FANCC: variants seen among roughly 807,000 people sequenced by gnomAD.
The protein encoded by FANCC is FA complementation group C.
In FANCC, 55 loss-of-function variants were observed where a neutral mutation model predicts 71.3. The observed-to-expected ratio is 0.77, with a 90% CI of 0.62 to 0.97. The LOEUF (loss-of-function observed/expected upper bound fraction) is 0.97. Among genes scored for constraint, FANCC ranks in the 50% least tolerant of loss-of-function variants. The pLI is 0.00. For synonymous variants in FANCC, 275 were observed against 244.9 expected, an observed-to-expected ratio of 1.12 and a Z score of -1.15; for missense variants, 678 against 670.9, an observed-to-expected ratio of 1.01 and a Z score of -0.12.
At chr9:95,272,241 C>G (rs549635850) in intron 1 of FANCC, among the ~76,000 whole-genome samples, 1 of 151,922 alleles carries the variant, frequency 6.6e-6, no homozygotes, top group African/African-American at 2.4e-5. Context: ...CCCGGCCCCG[C>G]CTCCTCTTTT....
chr9:95,220,757 T>C (rs1829200494), intron 4 of FANCC, among the ~76,000 whole-genome samples: 1 of 151,856 alleles, frequency 6.6e-6, no homozygotes, highest in Non-Finnish European at 1.5e-5. Flanking sequence ...TTAGGAGAAA[T>C]ACCTAATGTA....
chr9:95,118,419 T>A (rs538624630), intron 10 of FANCC, among the ~76,000 whole-genome samples: 1 of 152,354 alleles, frequency 6.6e-6, no homozygotes, highest in African/African-American at 2.4e-5. Context: ...CACAGAAGCT[T>A]TTTTAAAAAT....
At chr9:95,201,147 G>T (rs1665711044) in intron 4 of FANCC, among the ~76,000 whole-genome samples, 1 of 152,116 alleles carries the variant, frequency 6.6e-6, no homozygotes, top group South Asian at 2.1e-4. Context: ...AGCATTTTAG[G>T]ATAATTTGAC....
chr9:95,112,855 C>G lies in FANCC; in HGVS notation c.1155-1218G>C, dbSNP rs191935881. Among the ~76,000 whole-genome samples, 49 of 152,380 alleles carry G rather than the reference C, an allele frequency of 3.2e-4. No individual in the cohort carries two copies. In the East Asian group the frequency reaches 8.9e-3, roughly 28 times the overall value. Reference sequence around the variant, plus strand: ...GTGGGAGCCCCACGAGGTCTAAGTCCTGTTCTGCAGCACCACATGCGCCCT... The same window carrying G: ...GTGGGAGCCCCACGAGGTCTAAGTCGTGTTCTGCAGCACCACATGCGCCCT... On this transcript the variant is annotated intron_variant, in intron 12 of 14. Coordinates refer to ENST00000289081, the MANE Select transcript of FANCC (RefSeq NM_000136.3).
rs188713079 is a variant in FANCC, at chr9:95,292,966, G to C, written c.-79+24560C>G. On this transcript the variant is annotated intron_variant, in intron 1 of 14. Coordinates refer to ENST00000289081, the MANE Select transcript of FANCC (RefSeq NM_000136.3). ...AAAGCATTGCAGTCTCACATCTACC[G>C]AACTGGCCACGAGATCCCTGCAGAA... is the stretch of plus-strand genomic sequence containing the variant. 5.7e-6 allele frequency: 9 copies of C among 1,578,448 alleles called. No individual in the cohort carries two copies. The African/African-American group carries it at 8.1e-5, about 14-fold the overall frequency.
intron 1 of FANCC, among the ~76,000 whole-genome samples, chr9:95,274,059 T>C (rs1401113570): frequency 6.6e-6 from 1 of 152,206 alleles, no homozygotes; most frequent in African/African-American, 2.4e-5. Context: ...AGTTCTGAGA[T>C]ACATGTGCAG....
chr9:95,301,421 GT>G (rs896378536), intron 1 of FANCC, among the ~76,000 whole-genome samples: 163 of 151,616 alleles, frequency 1.1e-3, no homozygotes, highest in African/African-American at 3.8e-3. Flanking sequence ...GGGGTTTTTT[GT>G]TTTTTTTGGT....
chr9:95,188,763 C>T (rs923990464), intron 4 of FANCC, among the ~76,000 whole-genome samples: 48 of 152,152 alleles, frequency 3.2e-4, no homozygotes, highest in Admixed American at 3.1e-3. Flanking sequence ...TATGTCCACT[C>T]CTCCCGAACC....
chr9:95,253,948 C>T (rs1028309452), intron 1 of FANCC, among the ~76,000 whole-genome samples: 4 of 152,216 alleles, frequency 2.6e-5, no homozygotes, highest in African/African-American at 7.2e-5. Context: ...AATCTAATGC[C>T]GCCACTGATC....
chr9:95,127,101 T>C (rs1826107378), intron 8 of FANCC: 1 of 156,076 alleles, frequency 6.4e-6, no homozygotes, highest in African/African-American at 2.4e-5. Context: ...TTAATGCACT[T>C]AACAGCTTGC....
At chr9:95,268,765 G>T (rs1008077545) in intron 1 of FANCC, among the ~76,000 whole-genome samples, 1 of 152,118 alleles carries the variant, frequency 6.6e-6, no homozygotes, top group African/African-American at 2.4e-5. Flanking sequence ...GCTAGAGAAG[G>T]TAAAGACCTT....
intron 7 of FANCC, among the ~76,000 whole-genome samples, chr9:95,146,235 C>T (rs1285761245): frequency 6.6e-6 from 1 of 151,510 alleles, no homozygotes; most frequent in African/African-American, 2.4e-5. Flanking sequence ...GCCTATAATC[C>T]CAACATTTTG....
chr9:95,313,363 G>A (rs1017203558), intron 1 of FANCC, among the ~76,000 whole-genome samples: 4 of 152,248 alleles, frequency 2.6e-5, no homozygotes, highest in African/African-American at 7.2e-5. Context: ...TGGCGATGGA[G>A]AAGGCGCGCG....
chr9:95,231,382 TG>T (rs1332396930), intron 4 of FANCC, among the ~76,000 whole-genome samples: 1 of 152,210 alleles, frequency 6.6e-6, no homozygotes, highest in Non-Finnish European at 1.5e-5. Context: ...CCAACCAGCC[TG>T]CCCACTGACT....
chr9:95,110,968 T>C, intron 13 of FANCC: 1 of 1,405,662 alleles, frequency 7.1e-7, no homozygotes, highest in South Asian at 1.6e-5. Flanking sequence ...CTGATTACTT[T>C]AGTAAGAGAT....
At chr9:95,177,993 G>A (rs1162304302) in intron 4 of FANCC, among the ~76,000 whole-genome samples, 1 of 152,088 alleles carries the variant, frequency 6.6e-6, no homozygotes, top group Middle Eastern at 3.2e-3. Flanking sequence ...TCAGTGCACA[G>A]CTCAACACAA....
chr9:95,168,135 G>C (rs1040999392), intron 6 of FANCC, among the ~76,000 whole-genome samples: 7 of 152,128 alleles, frequency 4.6e-5, no homozygotes, highest in Non-Finnish European at 1.0e-4. Context: ...TTGTGGTATT[G>C]CAGATTCTCC....
chr9:95,104,481 C>A (rs970148121), intron 14 of FANCC, among the ~76,000 whole-genome samples: 22 of 152,052 alleles, frequency 1.4e-4, no homozygotes, highest in African/African-American at 4.8e-4. Context: ...TGTGGATCCG[C>A]AGCAGGGGCT....
chr9:95,137,148 T>C (rs1474131726), intron 7 of FANCC, among the ~76,000 whole-genome samples: 1 of 152,238 alleles, frequency 6.6e-6, no homozygotes, highest in Non-Finnish European at 1.5e-5. Flanking sequence ...GGCCTGTCCC[T>C]TCACCATGAC....
Sources: gnomAD v4.1 joint callset for allele counts (sites outside exome capture counted in the v4.1 genomes callset) on GRCh38, gnomAD v4.1.1 for gene constraint, MANE v1.5 for transcripts, NCBI Gene and HGNC (gene_info 2026-07-23, HGNC 2026-07-21) for gene names.